Variants in ADGRL3 observed in about 807,000 individuals in gnomAD.
The protein encoded by ADGRL3 is adhesion G protein-coupled receptor L3.
A neutral mutation model predicts 153.5 loss-of-function variants in ADGRL3; 62 were observed. The ratio of observed to expected loss-of-function variants is 0.40; its 90% CI spans 0.33 to 0.50. ADGRL3 has a LOEUF of 0.50. Ranked by LOEUF, ADGRL3 falls within the 20% of genes least tolerant of loss-of-function variation. The pLI, the probability that ADGRL3 is intolerant of heterozygous loss-of-function variation, is 0.47. For synonymous variants in ADGRL3, 710 were observed against 672.5 expected, an observed-to-expected ratio of 1.06 and a Z score of -0.86; for missense variants, 1,641 against 1,859.4, an observed-to-expected ratio of 0.88 and a Z score of 2.16.
chr4:61,335,641 CAA>C (rs1302843212), intron 1 of ADGRL3, among the ~76,000 whole-genome samples: 1 of 152,082 alleles, frequency 6.6e-6, no homozygotes, highest in Non-Finnish European at 1.5e-5. Context: ...GCTGTCAGGG[CAA>C]AGATTGGCTG....
chr4:61,225,058 C>G (rs1353353168), intron 1 of ADGRL3, among the ~76,000 whole-genome samples: 2 of 152,160 alleles, frequency 1.3e-5, no homozygotes. Flanking sequence ...ACTTCTAAAC[C>G]AGGATCTGCT....
chr4:61,563,870 T>C (rs1464476232), intron 4 of ADGRL3, among the ~76,000 whole-genome samples: 1 of 151,842 alleles, frequency 6.6e-6, no homozygotes, highest in African/African-American at 2.4e-5. Context: ...TAGCTGGGCG[T>C]GGTGGTGCGC....
chr4:61,525,057 T>C (rs1232778246), intron 4 of ADGRL3, among the ~76,000 whole-genome samples: 1 of 152,048 alleles, frequency 6.6e-6, no homozygotes, highest in East Asian at 1.9e-4. Flanking sequence ...TGCAATCTGT[T>C]GCTAGCAAGA....
At chr4:61,230,403 G>T (rs2149170848) in intron 1 of ADGRL3, among the ~76,000 whole-genome samples, 1 of 152,244 alleles carries the variant, frequency 6.6e-6, no homozygotes, top group Admixed American at 6.5e-5. Context: ...CTTTCCCTAT[G>T]ATTTCTGACT....
intron 2 of ADGRL3, among the ~76,000 whole-genome samples, chr4:61,430,516 A>G (rs192317387): frequency 2.6e-5 from 4 of 152,298 alleles, no homozygotes; most frequent in African/African-American, 9.6e-5. Flanking sequence ...AACTTGCATT[A>G]ACAATATTGA....
chr4:61,851,373 G>A (rs2098200599), intron 9 of ADGRL3, among the ~76,000 whole-genome samples: 1 of 152,042 alleles, frequency 6.6e-6, no homozygotes, highest in Non-Finnish European at 1.5e-5. Context: ...GATCACTTGA[G>A]ACCAGGAGTT....
At chr4:61,604,908 G>A (rs2099026024) in intron 5 of ADGRL3, among the ~76,000 whole-genome samples, 1 of 151,846 alleles carries the variant, frequency 6.6e-6, no homozygotes, top group Non-Finnish European at 1.5e-5. Flanking sequence ...TGGCCAACAT[G>A]GAGAAATCCC....
chr4:61,409,560 A>G (rs2097058327), intron 2 of ADGRL3, among the ~76,000 whole-genome samples: 1 of 151,234 alleles, frequency 6.6e-6, no homozygotes. Context: ...GCTAGTCCAC[A>G]TGAATCATAC....
chr4:61,755,960 T>A (rs781633743), intron 8 of ADGRL3, among the ~76,000 whole-genome samples: 12 of 151,918 alleles, frequency 7.9e-5, no homozygotes, highest in Non-Finnish European at 1.3e-4. Context: ...GAGGGCTCTG[T>A]TCTGTTCCAT....
intron 2 of ADGRL3, among the ~76,000 whole-genome samples, chr4:61,443,660 C>A (rs1192474082): frequency 6.6e-6 from 1 of 151,902 alleles, no homozygotes; most frequent in African/African-American, 2.4e-5. Context: ...GGTGTGGGAG[C>A]AGTATACAAT....
chr4:61,862,500 A>T (rs572307200), intron 9 of ADGRL3, among the ~76,000 whole-genome samples: 113 of 152,298 alleles, frequency 7.4e-4, no homozygotes, highest in African/African-American at 2.5e-3. Flanking sequence ...ATGCTGAATA[A>T]TCTAACCCTG....
intron 8 of ADGRL3, among the ~76,000 whole-genome samples, chr4:61,745,921 G>A (rs983494359): frequency 6.6e-6 from 1 of 152,140 alleles, no homozygotes; most frequent in Non-Finnish European, 1.5e-5. Flanking sequence ...TGGCAAATTG[G>A]ATAAAGAGTC....
At chr4:61,393,986 G>A (rs905146099) in intron 2 of ADGRL3, among the ~76,000 whole-genome samples, 2 of 151,968 alleles carry the variant, frequency 1.3e-5, no homozygotes, top group African/African-American at 4.8e-5. Flanking sequence ...ACTCTAATAG[G>A]AACATGAGGA....
chr4:62,068,461 G>T (rs1318611448), intron 26 of ADGRL3, among the ~76,000 whole-genome samples: 1 of 152,066 alleles, frequency 6.6e-6, no homozygotes, highest in African/African-American at 2.4e-5. Flanking sequence ...TTTTTGCTAA[G>T]TAATTCATAA....
At chr4:61,680,888 C>T (rs1403670985) in intron 6 of ADGRL3, among the ~76,000 whole-genome samples, 3 of 152,046 alleles carry the variant, frequency 2.0e-5, no homozygotes, top group Non-Finnish European at 4.4e-5. Flanking sequence ...TTTGGGTTCA[C>T]AGGCACACTT....
intron 2 of ADGRL3, among the ~76,000 whole-genome samples, chr4:61,471,519 T>G (rs2097953866): frequency 6.6e-6 from 1 of 151,836 alleles, no homozygotes; most frequent in Non-Finnish European, 1.5e-5. Context: ...TGAGAGGAAT[T>G]TCTATTATAA....
intron 4 of ADGRL3, among the ~76,000 whole-genome samples, chr4:61,569,715 T>A (rs1029364370): frequency 6.6e-6 from 1 of 152,204 alleles, no homozygotes; most frequent in Non-Finnish European, 1.5e-5. Flanking sequence ...TTTGGCATAT[T>A]GTTTTCAAGG....
intron 1 of ADGRL3, among the ~76,000 whole-genome samples, chr4:61,241,341 T>C (rs1560378440): frequency 6.6e-6 from 1 of 152,038 alleles, no homozygotes; most frequent in East Asian, 1.9e-4. Flanking sequence ...TGGTTCAATA[T>C]AAATTCCAGA....
At chr4:61,791,319 G>A (rs556933879) in intron 8 of ADGRL3, among the ~76,000 whole-genome samples, 1 of 152,258 alleles carries the variant, frequency 6.6e-6, no homozygotes, top group South Asian at 2.1e-4. Flanking sequence ...AAAAACAAAG[G>A]GGCTACAGGC....
Sources: allele counts gnomAD v4.1 joint callset (sites outside exome capture counted in the v4.1 genomes callset), GRCh38; gene constraint gnomAD v4.1.1; transcripts MANE v1.5; gene names NCBI Gene and HGNC (gene_info 2026-07-23, HGNC 2026-07-21).